Variants in PTCSC3 observed in about 807,000 individuals in gnomAD.
PTCSC3 encodes the protein papillary thyroid carcinoma susceptibility candidate 3.
At chr14:36,148,598 A>G (rs1404529996) in intron 3 of PTCSC3, among the ~76,000 whole-genome samples, 8 of 152,174 alleles carry the variant, frequency 5.3e-5, no homozygotes, top group African/African-American at 1.9e-4. Flanking sequence ...GGTACCTCAG[A>G]TGGAAATGCA....
At chr14:36,164,199 C>G (rs1882037154) in intron 1 of PTCSC3, 1 of 152,124 alleles carries the variant, frequency 6.6e-6, no homozygotes, top group Admixed American at 6.5e-5. Flanking sequence ...ATGACAGGAA[C>G]AATTTGCTAC....
At chr14:36,173,764 T>C (rs1882230246) in intron 1 of PTCSC3, among the ~76,000 whole-genome samples, 1 of 152,244 alleles carries the variant, frequency 6.6e-6, no homozygotes, top group African/African-American at 2.4e-5. Flanking sequence ...TTTCAGGCAG[T>C]GCAGGCAGGC....
intron 3 of PTCSC3, among the ~76,000 whole-genome samples, chr14:36,150,491 A>G (rs1159956155): frequency 4.6e-5 from 7 of 152,166 alleles, no homozygotes; most frequent in Admixed American, 4.6e-4. Context: ...TTTATGAAAT[A>G]CTCAGTTTAT....
chr14:36,139,039 A>G (rs1881355479), intron 3 of PTCSC3, among the ~76,000 whole-genome samples: 1 of 150,982 alleles, frequency 6.6e-6, no homozygotes, highest in African/African-American at 2.4e-5. Context: ...GCGTGAACCC[A>G]GGAGGCGGAG....
intron 2 of PTCSC3, among the ~76,000 whole-genome samples, chr14:36,157,530 T>C (rs1395673870): frequency 6.6e-6 from 1 of 152,222 alleles, no homozygotes; most frequent in Non-Finnish European, 1.5e-5. Context: ...TTTATGGTTT[T>C]AGGTCCTACG....
chr14:36,145,903 C>G (rs898139544), intron 3 of PTCSC3, among the ~76,000 whole-genome samples: 6 of 150,270 alleles, frequency 4.0e-5, no homozygotes, highest in East Asian at 2.0e-4. Context: ...TTATTTCTGC[C>G]TTCATTTTGT....
intron 1 of PTCSC3, among the ~76,000 whole-genome samples, chr14:36,171,907 T>TG (rs35485410): frequency 6.6e-6 from 1 of 151,752 alleles, no homozygotes; most frequent in African/African-American, 2.4e-5. Flanking sequence ...TCTGCAAACA[T>TG]GGGTTATTTA....
exon 4 of PTCSC3, chr14:36,136,126 T>C (rs541107878): frequency 6.6e-6 from 1 of 152,264 alleles, no homozygotes; most frequent in East Asian, 1.9e-4. Flanking sequence ...TCTAATGTTT[T>C]CATGTTTTTC....
In PTCSC3 at chr14:36,140,972, C is replaced by T. The variant is rs147001530; in HGVS notation, n.323-4616G>A. Among the ~76,000 whole-genome samples, 512 of 152,166 alleles carry T rather than the reference C, an allele frequency of 3.4e-3. 8 individuals carry two copies. The highest frequency in any genetic ancestry group is 0.03 in the Admixed American group (465 of 15,278). The stretch of plus-strand genomic sequence containing the variant: ...ATACAAATGTCCAGTTTTTGTAGTA[C>T]CATTTGTTGAAAAGACTATCTTTTC... On this transcript the variant is annotated intron_variant and non_coding_transcript_variant, in intron 3 of 3. Transcript: ENST00000556013.
intron 3 of PTCSC3, among the ~76,000 whole-genome samples, chr14:36,140,904 G>C (rs558504432): frequency 1.3e-5 from 2 of 152,022 alleles, no homozygotes; most frequent in Non-Finnish European, 2.9e-5. Context: ...GTTGATTTTC[G>C]TGAAAGGTGT....
intron 3 of PTCSC3, among the ~76,000 whole-genome samples, chr14:36,149,392 C>G (rs1383529887): frequency 6.6e-6 from 1 of 151,934 alleles, no homozygotes; most frequent in East Asian, 1.9e-4. Flanking sequence ...GTTTTTATGG[C>G]CCAGAATGTG....
At chr14:36,149,523 A>G (rs118099324) in intron 3 of PTCSC3, among the ~76,000 whole-genome samples, 2,293 of 152,326 alleles carry the variant, frequency 0.015, 31 homozygotes, top group South Asian at 0.032. Context: ...CAGTTCAACT[A>G]TATTCTTACA....
intron 3 of PTCSC3, among the ~76,000 whole-genome samples, chr14:36,151,944 A>C (rs1012639754): frequency 1.3e-5 from 2 of 152,202 alleles, no homozygotes; most frequent in African/African-American, 4.8e-5. Flanking sequence ...TTTGGAGGGA[A>C]AACTCATGAA....
chr14:36,154,365 A>G (rs1881786272), intron 2 of PTCSC3, among the ~76,000 whole-genome samples: 3 of 152,198 alleles, frequency 2.0e-5, no homozygotes, highest in Admixed American at 1.3e-4. Context: ...ATATAATAAT[A>G]CGTACCCTCC....
intron 3 of PTCSC3, among the ~76,000 whole-genome samples, chr14:36,149,377 CA>C (rs1881670775): frequency 6.6e-6 from 1 of 152,066 alleles, no homozygotes; most frequent in African/African-American, 2.4e-5. Flanking sequence ...TAAATTATTA[CA>C]GATGTTTTTA....
intron 1 of PTCSC3, among the ~76,000 whole-genome samples, chr14:36,165,876 C>G (rs1389013189): frequency 6.6e-6 from 1 of 152,052 alleles, no homozygotes. Flanking sequence ...CTTTTTGAAA[C>G]TGCATTTGAA....
chr14:36,160,240 T>C (rs978434773), intron 2 of PTCSC3, among the ~76,000 whole-genome samples: 1 of 152,192 alleles, frequency 6.6e-6, no homozygotes, highest in Non-Finnish European at 1.5e-5. Context: ...AAGGTTAATA[T>C]TGTTATGTGT....
chr14:36,162,268 A>G (rs77357679), intron 2 of PTCSC3, among the ~76,000 whole-genome samples: 2 of 56,926 alleles, frequency 3.5e-5, no homozygotes, highest in Non-Finnish European at 6.2e-5. Flanking sequence ...GAAAAAAAAA[A>G]AAAAAAAAAA....
intron 3 of PTCSC3, among the ~76,000 whole-genome samples, chr14:36,153,264 C>T (rs114883169): frequency 7.9e-4 from 121 of 152,278 alleles, no homozygotes; most frequent in Middle Eastern, 6.8e-3. Flanking sequence ...GTTCTATCTC[C>T]TAATACCATC....
Sources: gnomAD v4.1 joint callset for allele counts (sites outside exome capture counted in the v4.1 genomes callset) on GRCh38, gnomAD v4.1.1 for gene constraint, MANE v1.5 for transcripts, NCBI Gene and HGNC (gene_info 2026-07-23, HGNC 2026-07-21) for gene names.